Variants in CNTN5 observed in about 807,000 individuals in gnomAD.
The protein encoded by CNTN5 is contactin-5.
A neutral mutation model predicts 129.1 loss-of-function variants in CNTN5; 77 were observed. The ratio of observed to expected loss-of-function variants is 0.60; its 90% CI spans 0.50 to 0.72. The LOEUF (loss-of-function observed/expected upper bound fraction) is 0.72. Among genes scored for constraint, CNTN5 ranks in the 30% least tolerant of loss-of-function variants. CNTN5 has a pLI of 0.00. For synonymous variants in CNTN5, 509 were observed against 465.6 expected (o/e 1.09, Z -1.20); for missense variants, 1,478 against 1,328.8 (o/e 1.11, Z -1.75).
At chr11:99,888,408 C>A (rs1421665795) in intron 6 of CNTN5, among the ~76,000 whole-genome samples, 1 of 152,046 alleles carries the variant, frequency 6.6e-6, no homozygotes, top group Non-Finnish European at 1.5e-5. Context: ...GTTGATACTA[C>A]TCTAACAATA....
intron 15 of CNTN5, among the ~76,000 whole-genome samples, chr11:100,197,253 T>A (rs1565335048): frequency 1.3e-5 from 2 of 151,902 alleles, no homozygotes; most frequent in Non-Finnish European, 2.9e-5. Flanking sequence ...TTGAATAAGT[T>A]TAAAGGAAAG....
At chr11:99,577,729 G>C (rs192269925) in intron 3 of CNTN5, among the ~76,000 whole-genome samples, 1 of 152,136 alleles carries the variant, frequency 6.6e-6, no homozygotes, top group Middle Eastern at 3.4e-3. Flanking sequence ...ACAAAGTTTG[G>C]ACAGTTCTTT....
intron 3 of CNTN5, among the ~76,000 whole-genome samples, chr11:99,562,100 C>G (rs1047894967): frequency 6.6e-6 from 1 of 152,140 alleles, no homozygotes; most frequent in Non-Finnish European, 1.5e-5. Flanking sequence ...AAGAGTGTCT[C>G]TCTCTCTCTG....
chr11:99,958,144 A>G (rs1950851697), intron 8 of CNTN5, among the ~76,000 whole-genome samples: 2 of 152,218 alleles, frequency 1.3e-5, no homozygotes, highest in South Asian at 4.1e-4. Context: ...TGGAGAAACC[A>G]GTAGAAAAAA....
intron 3 of CNTN5, among the ~76,000 whole-genome samples, chr11:99,736,530 C>T (rs1943716405): frequency 6.6e-6 from 1 of 152,110 alleles, no homozygotes; most frequent in Admixed American, 6.5e-5. Context: ...CTGTGTTAGA[C>T]GATTGTATCT....
At chr11:99,918,068 C>G (rs1424943478) in intron 7 of CNTN5, among the ~76,000 whole-genome samples, 1 of 152,080 alleles carries the variant, frequency 6.6e-6, no homozygotes, top group South Asian at 2.1e-4. Context: ...CCTTTAGTAC[C>G]CTGATTGCAG....
intron 18 of CNTN5, among the ~76,000 whole-genome samples, chr11:100,291,010 C>G (rs1204221493): frequency 1.0e-4 from 15 of 150,262 alleles, no homozygotes; most frequent in Admixed American, 2.0e-4. Context: ...TGAAAAAATG[C>G]TCATCATCAC....
intron 3 of CNTN5, among the ~76,000 whole-genome samples, chr11:99,709,559 C>T (rs2134939927): frequency 6.6e-6 from 1 of 151,788 alleles, no homozygotes; most frequent in East Asian, 2.0e-4. Context: ...TATATATAAA[C>T]CTCACCAGAA....
At chr11:99,846,439 T>G (rs1024015477) in intron 6 of CNTN5, among the ~76,000 whole-genome samples, 1 of 151,654 alleles carries the variant, frequency 6.6e-6, no homozygotes, top group Non-Finnish European at 1.5e-5. Context: ...ATTATTTTAC[T>G]TATAATGAGA....
At chr11:100,160,073 C>T (rs1280347283) in intron 13 of CNTN5, among the ~76,000 whole-genome samples, 1 of 151,898 alleles carries the variant, frequency 6.6e-6, no homozygotes, top group African/African-American at 2.4e-5. Context: ...CCTCCCCTAG[C>T]CCCTCACCCA....
At position 99,128,009 on chromosome 11, in the gene CNTN5, G is replaced by T. The variant is rs1226274590; in HGVS notation, c.-210+106739G>T. 2.0e-5 allele frequency among the ~76,000 whole-genome samples: 3 copies of T among 152,272 alleles called. No individual in the cohort carries two copies. In the East Asian group the frequency reaches 5.8e-4, roughly 29 times the overall value. ...GATGAGCAATATAATAAATAAATAT[G>T]TTGTAATATAAATGGTTGATAATCA... is the stretch of plus-strand genomic sequence containing the variant. On this transcript the variant is annotated intron_variant, in intron 1 of 24. Coordinates refer to ENST00000524871, the MANE Select transcript of CNTN5 (RefSeq NM_014361.4).
intron 2 of CNTN5, among the ~76,000 whole-genome samples, chr11:99,429,867 A>G (rs1262480464): frequency 6.6e-6 from 1 of 152,022 alleles, no homozygotes; most frequent in African/African-American, 2.4e-5. Context: ...ACAACTATTT[A>G]CTGTAAGCAG....
intron 9 of CNTN5, among the ~76,000 whole-genome samples, chr11:100,051,260 C>A (rs1283726920): frequency 6.6e-6 from 1 of 152,020 alleles, no homozygotes; most frequent in Non-Finnish European, 1.5e-5. Flanking sequence ...TAAAACAAGT[C>A]TTACCCCTAA....
intron 2 of CNTN5, among the ~76,000 whole-genome samples, chr11:99,337,927 GACT>G (rs1196628130): frequency 3.4e-4 from 52 of 152,206 alleles, no homozygotes; most frequent in African/African-American, 9.9e-4. Context: ...CTATTGAAAT[GACT>G]ACTATCACAT....
intron 3 of CNTN5, among the ~76,000 whole-genome samples, chr11:99,584,306 A>T (rs1477203332): frequency 6.6e-6 from 1 of 152,174 alleles, no homozygotes; most frequent in Non-Finnish European, 1.5e-5. Flanking sequence ...CTTTTCTCCT[A>T]GCTCACCATA....
At chr11:100,035,003 G>T (rs1941906485) in intron 9 of CNTN5, among the ~76,000 whole-genome samples, 1 of 151,722 alleles carries the variant, frequency 6.6e-6, no homozygotes, top group Non-Finnish European at 1.5e-5. Flanking sequence ...TAAGTTTTAG[G>T]GTACATGTGC....
chr11:99,574,598 A>G (rs1346445973), intron 3 of CNTN5, among the ~76,000 whole-genome samples: 19 of 152,154 alleles, frequency 1.2e-4, no homozygotes, highest in Admixed American at 1.2e-3. Context: ...CATGATCACC[A>G]TTCTGACTGG....
intron 16 of CNTN5, among the ~76,000 whole-genome samples, chr11:100,232,917 A>G (rs542668316): frequency 6.6e-6 from 1 of 152,290 alleles, no homozygotes; most frequent in East Asian, 1.9e-4. Flanking sequence ...CCATATTATA[A>G]TAATTATTTC....
intron 13 of CNTN5, among the ~76,000 whole-genome samples, chr11:100,149,102 G>A (rs1309707004): frequency 4.6e-5 from 7 of 152,142 alleles, no homozygotes; most frequent in Non-Finnish European, 1.0e-4. Context: ...GTCTAAAGAT[G>A]ACAATTTGAC....
Sources: allele counts gnomAD v4.1 joint callset (sites outside exome capture counted in the v4.1 genomes callset), GRCh38; gene constraint gnomAD v4.1.1; transcripts MANE v1.5; gene names NCBI Gene and HGNC (gene_info 2026-07-23, HGNC 2026-07-21).